The following PTPN4 variants were observed in gnomAD, a reference collection of about 807,000 sequenced individuals.
The protein encoded by PTPN4 is tyrosine-protein phosphatase non-receptor type 4.
In PTPN4, 49 loss-of-function variants were observed where a neutral mutation model predicts 135.5. The ratio of observed to expected loss-of-function variants is 0.36; its 90% CI spans 0.29 to 0.46. The LOEUF is 0.46. PTPN4 is among the 20% of genes least tolerant of loss of function. The pLI, the probability that PTPN4 is intolerant of heterozygous loss-of-function variation, is 1.00. For missense variants in PTPN4, 860 were observed against 1,101.0 expected, an observed-to-expected ratio of 0.78 and a Z score of 3.10; for synonymous variants, 333 against 369.9, an observed-to-expected ratio of 0.90 and a Z score of 1.14.
At chr2:119,897,891 A>C (rs537354154) in intron 9 of PTPN4, among the ~76,000 whole-genome samples, 1 of 152,328 alleles carries the variant, frequency 6.6e-6, no homozygotes, top group Admixed American at 6.5e-5. Context: ...TCTTTGGAGG[A>C]GTGTGAAATG....
rs150059909 is a variant in PTPN4, at chr2:119,815,430, T to C, written c.138+5439T>C. Among the ~76,000 whole-genome samples, 893 of 152,324 alleles carry C rather than the reference T, an allele frequency of 5.9e-3. 14 individuals are homozygous for C. The highest frequency in any genetic ancestry group is 5.6e-3 in the Non-Finnish European group (379 of 68,020). On this transcript the variant is annotated intron_variant, in intron 2 of 26. Coordinates refer to ENST00000263708, the MANE Select transcript of PTPN4 (RefSeq NM_002830.4). ...TTCCAGAAATGTTTTCTTGGAAATA[T>C]GTTATTTTTGAAATTCCACAAAATA...
intron 3 of PTPN4, among the ~76,000 whole-genome samples, chr2:119,867,137 G>T (rs1677844840): frequency 6.6e-6 from 1 of 152,116 alleles, no homozygotes; most frequent in Non-Finnish European, 1.5e-5. Flanking sequence ...TAAAAGATGA[G>T]ATTTGAGCAT....
intron 3 of PTPN4, among the ~76,000 whole-genome samples, chr2:119,867,314 T>A (rs1228418708): frequency 1.3e-5 from 2 of 152,098 alleles, no homozygotes; most frequent in African/African-American, 4.8e-5. Flanking sequence ...AAGAAATTGC[T>A]AAGAAAGTAG....
rs1441553455 is a variant in PTPN4 at position 119,964,166 on chromosome 2, T to G, written c.2410-1331T>G. On this transcript the variant is annotated intron_variant, in intron 24 of 26. Transcript: ENST00000263708. ...TAGTGTTGAATGACTATAGCAACCATTTATTGAGTATATGGTGCCAAGTAG... is the reference window on the plus strand; with the variant it reads ...TAGTGTTGAATGACTATAGCAACCAGTTATTGAGTATATGGTGCCAAGTAG... Among the ~76,000 whole-genome samples, 4 of 152,184 alleles carry G rather than the reference T, an allele frequency of 2.6e-5. No homozygotes were observed. The East Asian group carries it at 7.7e-4, about 29-fold the overall frequency.
intron 10 of PTPN4, among the ~76,000 whole-genome samples, chr2:119,901,809 G>T (rs1342021166): frequency 2.0e-5 from 3 of 152,138 alleles, no homozygotes; most frequent in African/African-American, 7.2e-5. Flanking sequence ...AAACAGGAGT[G>T]CTAGAAATAA....
At chr2:119,876,897 ATGTGTGTGTGTGTGTGTGTGTGTGTG>A (rs3835789) in intron 3 of PTPN4, among the ~76,000 whole-genome samples, 1 of 136,026 alleles carries the variant, frequency 7.4e-6, no homozygotes, top group African/African-American at 2.7e-5. Flanking sequence ...GCCCAAGAGC[ATGTGTGTGTGTGTGTGTGTGTGTGTG>A]TGTGTGTGTG....
chr2:119,978,228 T>C lies in PTPN4; in HGVS notation c.*1158T>C, dbSNP rs1263025854. On this transcript the variant is annotated 3_prime_UTR_variant, in exon 27 of 27. Coordinates refer to ENST00000263708, the MANE Select transcript of PTPN4 (RefSeq NM_002830.4). ...AACATGCAGATTAATGTTAAACATA[T>C]TGATAATCTAAGCTAAAGTTAGAGC... 1 of 152,198 alleles carries C rather than the reference T, an allele frequency of 6.6e-6. No homozygotes were observed. The highest frequency in any genetic ancestry group is 1.5e-5 in the Non-Finnish European group (1 of 68,030). 9.4% of individuals were successfully genotyped at this position (152,198 alleles called of 1,614,324 possible).
At chr2:119,902,999 C>T (rs1012097158) in intron 10 of PTPN4, among the ~76,000 whole-genome samples, 14 of 152,138 alleles carry the variant, frequency 9.2e-5, no homozygotes, top group Non-Finnish European at 1.6e-4. Flanking sequence ...TCCTGCATTT[C>T]CCCACTGACA....
chr2:119,950,391 T>C (rs1229343159), intron 18 of PTPN4, among the ~76,000 whole-genome samples: 3 of 152,212 alleles, frequency 2.0e-5, no homozygotes, highest in Non-Finnish European at 2.9e-5. Context: ...ATTTGAACGT[T>C]CCAGATTTTA....
intron 20 of PTPN4, among the ~76,000 whole-genome samples, chr2:119,956,617 G>GTTTTACCAC (rs1250365918): frequency 6.6e-6 from 1 of 152,130 alleles, no homozygotes; most frequent in South Asian, 2.1e-4. Context: ...GGTTTCACTA[G>GTTTTACCAC]TTTTACCACT....
chr2:119,839,840 A>G (rs1411112048), intron 2 of PTPN4, among the ~76,000 whole-genome samples: 2 of 152,290 alleles, frequency 1.3e-5, no homozygotes, highest in Middle Eastern at 3.4e-3. Context: ...TTTTGTCATC[A>G]GTATGCAGCT....
At chr2:119,919,926 A>C in intron 11 of PTPN4, 143 bp from the exon 12 acceptor site, 1 of 1,107,702 alleles carries the variant, frequency 9.0e-7, no homozygotes, top group Non-Finnish European at 1.2e-6. Context: ...GATCCTAGAT[A>C]AAAGATCCCA....
intron 4 of PTPN4, 34 bp from the exon 5 acceptor site, chr2:119,877,430 T>C (rs1331692032): frequency 6.2e-7 from 1 of 1,605,628 alleles, no homozygotes; most frequent in Non-Finnish European, 8.5e-7. Context: ...ATTAATATAG[T>C]CTGATTAATT....
intron 13 of PTPN4, among the ~76,000 whole-genome samples, chr2:119,928,841 C>G (rs542554299): frequency 1.3e-5 from 2 of 151,996 alleles, no homozygotes; most frequent in Non-Finnish European, 2.9e-5. Flanking sequence ...TATCCTCATA[C>G]GAGTACCAGA....
intron 2 of PTPN4, among the ~76,000 whole-genome samples, chr2:119,828,539 G>A (rs750725357): frequency 3.9e-5 from 6 of 152,158 alleles, no homozygotes; most frequent in African/African-American, 7.2e-5. Context: ...ATATATTGGT[G>A]AATATATTCA....
intron 14 of PTPN4, 71 bp downstream of exon 14, chr2:119,932,620 T>A: frequency 6.9e-7 from 1 of 1,458,910 alleles, no homozygotes; most frequent in Non-Finnish European, 9.3e-7. Context: ...TGTATATTTT[T>A]ATGCCTGAAG....
chr2:119,956,709 G>A (rs1264824607), intron 20 of PTPN4, 135 bp from the exon 21 acceptor site: 15 of 1,417,902 alleles, frequency 1.1e-5, no homozygotes, highest in Non-Finnish European at 1.4e-5. Context: ...ACTAGACTAT[G>A]GTATATCATT....
chr2:119,788,580 A>G (rs114128823), intron 1 of PTPN4, among the ~76,000 whole-genome samples: 2,562 of 152,268 alleles, frequency 0.017, 41 homozygotes, highest in Non-Finnish European at 0.027. Context: ...AAAGTATGAA[A>G]TTCTGTACCC....
At chr2:119,894,000 G>T (rs935828589) in intron 9 of PTPN4, among the ~76,000 whole-genome samples, 5 of 152,052 alleles carry the variant, frequency 3.3e-5, no homozygotes, top group African/African-American at 1.2e-4. Flanking sequence ...AGCATTTACT[G>T]CGTGCCAGCC....
Sources: allele counts gnomAD v4.1 joint callset (sites outside exome capture counted in the v4.1 genomes callset), GRCh38; gene constraint gnomAD v4.1.1; transcripts MANE v1.5; gene names NCBI Gene and HGNC (gene_info 2026-07-23, HGNC 2026-07-21).